SIK3: variants seen among roughly 807,000 people sequenced by gnomAD.
SIK3 encodes the protein SIK family kinase 3.
In SIK3, 28 loss-of-function variants were observed where a neutral mutation model predicts 144.2. That is an observed-to-expected ratio of 0.19 (90% CI 0.14 to 0.27). SIK3 has a LOEUF of 0.27. Among genes scored for constraint, SIK3 ranks in the 10% least tolerant of loss-of-function variants. The pLI, the probability that SIK3 is intolerant of heterozygous loss-of-function variation, is 1.00. For missense variants in SIK3, 1,319 were observed against 1,776.0 expected (o/e 0.74, Z 4.62); for synonymous variants, 686 against 676.3 (o/e 1.01, Z -0.22).
chr11:117,005,115 TCTC>T (rs568325415), intron 1 of SIK3, among the ~76,000 whole-genome samples: 217 of 152,124 alleles, frequency 1.4e-3, no homozygotes, highest in African/African-American at 5.1e-3. Flanking sequence ...AATGAACTCT[TCTC>T]CTTTTTTACT....
At chr11:116,919,333 T>A (rs1442515727) in intron 4 of SIK3, among the ~76,000 whole-genome samples, 1 of 152,204 alleles carries the variant, frequency 6.6e-6, no homozygotes, top group Non-Finnish European at 1.5e-5. Flanking sequence ...TCTCACTGCA[T>A]TAAGGTCAAA....
intron 1 of SIK3, among the ~76,000 whole-genome samples, chr11:117,088,064 T>A (rs1955091382): frequency 6.6e-6 from 1 of 152,026 alleles, no homozygotes; most frequent in Admixed American, 6.6e-5. Context: ...CCCCCATCTC[T>A]ACTAAAAATA....
intron 1 of SIK3, among the ~76,000 whole-genome samples, chr11:117,065,314 T>A (rs1052077029): frequency 6.6e-6 from 1 of 152,018 alleles, no homozygotes; most frequent in Non-Finnish European, 1.5e-5. Context: ...GAAGACTGGA[T>A]ATTAAATTTT....
At chr11:116,951,005 G>A (rs1203084501) in intron 3 of SIK3, among the ~76,000 whole-genome samples, 1 of 152,114 alleles carries the variant, frequency 6.6e-6, no homozygotes, top group Non-Finnish European at 1.5e-5. Flanking sequence ...ACACCTTGAC[G>A]GCAGAAGTTG....
At chr11:116,856,764 C>G (rs986450754) in intron 21 of SIK3, 1 of 152,240 alleles carries the variant, frequency 6.6e-6, no homozygotes, top group Non-Finnish European at 1.5e-5. Flanking sequence ...TCACAGACAC[C>G]GCTTTACAGC....
chr11:117,080,707 G>A (rs1388028795), intron 1 of SIK3, among the ~76,000 whole-genome samples: 1 of 152,148 alleles, frequency 6.6e-6, no homozygotes, highest in Non-Finnish European at 1.5e-5. Context: ...CAGCACTTTG[G>A]GAGGCTGAGG....
intron 3 of SIK3, among the ~76,000 whole-genome samples, chr11:116,938,273 AGGAGAGGAGAG>A (rs1460041165): frequency 1.2e-5 from 1 of 84,350 alleles, no homozygotes; most frequent in East Asian, 4.0e-4. Flanking sequence ...AGGAGAGGAG[AGGAGAGGAGAG>A]GAGAGGAGAG....
chr11:116,889,321 T>A (rs1354700482), intron 6 of SIK3, among the ~76,000 whole-genome samples: 1 of 152,218 alleles, frequency 6.6e-6, no homozygotes. Context: ...CCCAGCACTC[T>A]GGGAGGCCAA....
chr11:117,025,353 G>A (rs1190807396), intron 1 of SIK3, among the ~76,000 whole-genome samples: 3 of 152,176 alleles, frequency 2.0e-5, no homozygotes, highest in Non-Finnish European at 2.9e-5. Context: ...GCTAGTTCTA[G>A]CCCTTACCGG....
chr11:117,074,237 C>T (rs1480808088), intron 1 of SIK3, among the ~76,000 whole-genome samples: 9 of 152,182 alleles, frequency 5.9e-5, no homozygotes, highest in Admixed American at 5.9e-4. Flanking sequence ...GTTCCACTTA[C>T]TCCTAGCAAA....
At chr11:117,052,803 G>A (rs868130744) in intron 1 of SIK3, among the ~76,000 whole-genome samples, 6 of 152,300 alleles carry the variant, frequency 3.9e-5, no homozygotes, top group Middle Eastern at 3.4e-3. Context: ...TGAAGAGCTT[G>A]CTAAGGTCCA....
In SIK3 at chr11:116,964,080, C is replaced by T. The variant is rs528221043; in HGVS notation, c.274-7016G>A. ...CTGGAGTGCAGTGACACGACCATAG[C>T]TCGCTGCAGCCTCAACCTTCTGGGC... On this transcript the variant is annotated intron_variant, in intron 1 of 24. Coordinates refer to ENST00000445177, the MANE Select transcript of SIK3 (RefSeq NM_001366686.3). Among the ~76,000 whole-genome samples the T allele has an allele frequency of 6.6e-5, 10 of 152,282 alleles. 1 individual carries two copies. In the South Asian group the frequency reaches 1.2e-3, roughly 19 times the overall value.
At chr11:116,874,283 T>A (rs1176931238) in intron 11 of SIK3, among the ~76,000 whole-genome samples, 2 of 152,214 alleles carry the variant, frequency 1.3e-5, no homozygotes, top group Non-Finnish European at 2.9e-5. Context: ...TTATTGGCCA[T>A]TCATGTAAAA....
chr11:117,022,192 G>C (rs898653456), intron 1 of SIK3, among the ~76,000 whole-genome samples: 2 of 151,958 alleles, frequency 1.3e-5, no homozygotes, highest in African/African-American at 2.4e-5. Flanking sequence ...AATGTGTCTA[G>C]AGATTGACTG....
chr11:117,041,751 T>G (rs1032781109), intron 1 of SIK3, among the ~76,000 whole-genome samples: 6 of 152,256 alleles, frequency 3.9e-5, no homozygotes, highest in African/African-American at 1.4e-4. Context: ...TCATGCTTTG[T>G]TTTCTACCTG....
At chr11:117,023,675 G>T (rs1214410357) in intron 1 of SIK3, among the ~76,000 whole-genome samples, 1 of 146,740 alleles carries the variant, frequency 6.8e-6, no homozygotes, top group South Asian at 2.1e-4. Context: ...GTGCTTGGGA[G>T]TAACTTTTAT....
chr11:116,862,701 C>T (rs1176193409), intron 16 of SIK3, among the ~76,000 whole-genome samples: 2 of 152,098 alleles, frequency 1.3e-5, no homozygotes, highest in Admixed American at 6.5e-5. Context: ...CTGAGAGTGC[C>T]GTTCCATACC....
chr11:117,090,059 G>C (rs1424008665), intron 1 of SIK3, among the ~76,000 whole-genome samples: 1 of 152,190 alleles, frequency 6.6e-6, no homozygotes, highest in Non-Finnish European at 1.5e-5. Context: ...AGATCCAAAA[G>C]AAGTCTTTCA....
At position 116,844,861 on chromosome 11, in the gene SIK3, G is replaced by C. The variant is rs1356121297; in HGVS notation, c.*782C>G. On this transcript the variant is annotated 3_prime_UTR_variant, in exon 25 of 25. Coordinates refer to ENST00000445177, the MANE Select transcript of SIK3 (RefSeq NM_001366686.3). ...CAACTTTCCAGGTTACAAGAGGGGA[G>C]CTGAGTTATCCACCAAAAGCAAAGG... is the stretch of plus-strand genomic sequence containing the variant. 5 of 151,302 alleles carry C rather than the reference G, an allele frequency of 3.3e-5. No individual in the cohort carries two copies. Among genetic ancestry groups the C allele is most frequent in the African/African-American group, 1.2e-4 (5 of 41,160 alleles). 9.4% of individuals were successfully genotyped at this position (151,302 alleles called of 1,614,324 possible).
Sources: allele counts gnomAD v4.1 joint callset (sites outside exome capture counted in the v4.1 genomes callset), GRCh38; gene constraint gnomAD v4.1.1; transcripts MANE v1.5; gene names NCBI Gene and HGNC (gene_info 2026-07-23, HGNC 2026-07-21).